PPARGC1A: variants seen among roughly 807,000 people sequenced by gnomAD.
PPARGC1A encodes PPARG coactivator 1 alpha.
Under a neutral mutation model 88.7 loss-of-function variants are expected in PPARGC1A, and 25 were observed. The ratio of observed to expected loss-of-function variants is 0.28; its 90% confidence interval spans 0.21 to 0.39. PPARGC1A has a LOEUF of 0.39. Ranked by LOEUF, PPARGC1A falls within the 10% of genes least tolerant of loss-of-function variation. The pLI, the probability that PPARGC1A is intolerant of heterozygous loss-of-function variation, is 1.00. For synonymous variants in PPARGC1A, 363 were observed against 355.6 expected (o/e 1.02, Z -0.24); for missense variants, 880 against 968.7 (o/e 0.91, Z 1.22).
the PPARGC1A span, among the ~76,000 whole-genome samples, chr4:24,440,645 T>TA: frequency 3.3e-5 from 5 of 151,766 alleles, no homozygotes; most frequent in African/African-American, 9.7e-5. Flanking sequence ...CCAATAAAAA[T>TA]AAAAAAATTA....
At chr4:24,010,409 C>T in the PPARGC1A span, among the ~76,000 whole-genome samples, 1 of 152,116 alleles carries the variant, frequency 6.6e-6, no homozygotes, top group East Asian at 1.9e-4. Context: ...CCCATTGCTG[C>T]CACCATTTGT....
At chr4:24,291,534 G>A in the PPARGC1A span, among the ~76,000 whole-genome samples, 1 of 152,116 alleles carries the variant, frequency 6.6e-6, no homozygotes, top group Non-Finnish European at 1.5e-5. Context: ...TAATCTTCAC[G>A]AAAATCCCAA....
the PPARGC1A span, among the ~76,000 whole-genome samples, chr4:24,325,339 G>A: frequency 6.6e-6 from 1 of 151,992 alleles, no homozygotes; most frequent in African/African-American, 2.4e-5. Flanking sequence ...CGCCTTCAAG[G>A]TGTACAATAA....
the PPARGC1A span, among the ~76,000 whole-genome samples, chr4:24,343,917 C>T: frequency 6.6e-6 from 1 of 151,052 alleles, no homozygotes; most frequent in Non-Finnish European, 1.5e-5. Flanking sequence ...CCCAAGTCCA[C>T]AAAGTCCATT....
the PPARGC1A span, among the ~76,000 whole-genome samples, chr4:24,302,192 A>T: frequency 1.3e-4 from 20 of 152,314 alleles, no homozygotes; most frequent in East Asian, 3.7e-3. Flanking sequence ...ATAATAATTG[A>T]TGGTTATGTT....
chr4:24,273,910 A>G, the PPARGC1A span, among the ~76,000 whole-genome samples: 1 of 149,938 alleles, frequency 6.7e-6, no homozygotes, highest in South Asian at 2.1e-4. Flanking sequence ...TTTTTTTTTA[A>G]TGTATTTTTA....
At chr4:23,810,524 G>A (rs542172221) in intron 10 of PPARGC1A, among the ~76,000 whole-genome samples, 4 of 152,192 alleles carry the variant, frequency 2.6e-5, no homozygotes, top group Non-Finnish European at 4.4e-5. Flanking sequence ...GTAAAGGGCC[G>A]AACTAGCAAC....
At chr4:24,038,793 T>C in the PPARGC1A span, among the ~76,000 whole-genome samples, 1 of 152,196 alleles carries the variant, frequency 6.6e-6, no homozygotes, top group Non-Finnish European at 1.5e-5. Flanking sequence ...TTAAACTTTG[T>C]AAGTGCATAC....
At chr4:23,821,796 T>C (rs902623249) in intron 7 of PPARGC1A, among the ~76,000 whole-genome samples, 10 of 151,964 alleles carry the variant, frequency 6.6e-5, no homozygotes, top group African/African-American at 2.4e-4. Context: ...GTTAAGTAAA[T>C]GGACCAAGGC....
chr4:24,174,903 C>T, the PPARGC1A span, among the ~76,000 whole-genome samples: 68 of 152,272 alleles, frequency 4.5e-4, no homozygotes, highest in Non-Finnish European at 6.9e-4. Context: ...GAAATGGTGC[C>T]CTGCCCAACG....
the PPARGC1A span, among the ~76,000 whole-genome samples, chr4:24,182,143 T>TC: frequency 1.3e-5 from 2 of 152,176 alleles, no homozygotes; most frequent in Admixed American, 6.5e-5. Flanking sequence ...ATGCTATCCC[T>TC]CTTCTTGCTC....
At chr4:23,888,951 GA>G in intron 1 of PPARGC1A, 1 of 985,324 alleles carries the variant, frequency 1.0e-6, no homozygotes, top group Non-Finnish European at 1.2e-6. Flanking sequence ...AGAGTCCACA[GA>G]AAGTTTTGCT....
the PPARGC1A span, among the ~76,000 whole-genome samples, chr4:24,284,894 G>A: frequency 6.6e-6 from 1 of 152,134 alleles, no homozygotes; most frequent in Non-Finnish European, 1.5e-5. Flanking sequence ...TGGGCATGGT[G>A]GCAGGTGCCT....
the PPARGC1A span, among the ~76,000 whole-genome samples, chr4:24,153,633 A>G: frequency 3.9e-5 from 6 of 152,224 alleles, no homozygotes; most frequent in Non-Finnish European, 7.3e-5. Context: ...TCCGTAGTCC[A>G]TAAAAATTTC....
the PPARGC1A span, among the ~76,000 whole-genome samples, chr4:24,166,549 G>A: frequency 1.3e-5 from 2 of 152,208 alleles, no homozygotes; most frequent in Non-Finnish European, 2.9e-5. Flanking sequence ...GGTTAGTGGA[G>A]TTGGTGACTT....
At chr4:23,821,030 C>T (rs1479046117) in intron 7 of PPARGC1A, among the ~76,000 whole-genome samples, 1 of 152,134 alleles carries the variant, frequency 6.6e-6, no homozygotes, top group African/African-American at 2.4e-5. Flanking sequence ...GTAGACATCA[C>T]TAATTGATCA....
chr4:23,928,268 C>T, the PPARGC1A span, among the ~76,000 whole-genome samples: 8 of 152,086 alleles, frequency 5.3e-5, no homozygotes, highest in East Asian at 1.9e-4. Context: ...ATGGAGGCAG[C>T]GAAATTATAT....
chr4:24,234,447 G>T, the PPARGC1A span, among the ~76,000 whole-genome samples: 3 of 152,172 alleles, frequency 2.0e-5, no homozygotes, highest in Non-Finnish European at 2.9e-5. Flanking sequence ...ATGCTGTGTT[G>T]ATCTCTAAGC....
At chr4:24,244,313 T>C in the PPARGC1A span, among the ~76,000 whole-genome samples, 1 of 152,254 alleles carries the variant, frequency 6.6e-6, no homozygotes, top group Non-Finnish European at 1.5e-5. Flanking sequence ...TTGACAATTA[T>C]AATATTTCAT....
Sources: gnomAD v4.1 joint callset for allele counts (sites outside exome capture counted in the v4.1 genomes callset) on GRCh38, gnomAD v4.1.1 for gene constraint, MANE v1.5 for transcripts, NCBI Gene and HGNC (gene_info 2026-07-23, HGNC 2026-07-21) for gene names.